RXRG: variants seen among roughly 807,000 people sequenced by gnomAD.
RXRG encodes the protein retinoid X receptor gamma.
Under a neutral mutation model 49.2 loss-of-function variants are expected in RXRG, and 19 were observed. The ratio of observed to expected loss-of-function variants is 0.39; its 90% CI spans 0.27 to 0.57. The LOEUF (loss-of-function observed/expected upper bound fraction) is 0.57, where lower values mean the gene tolerates loss of function less well. Ranked by LOEUF, RXRG falls within the 20% of genes least tolerant of loss-of-function variation. The probability of loss-of-function intolerance (pLI) is 0.64; values close to 1 mark genes in which losing one functional copy is unlikely to be tolerated. For synonymous variants in RXRG, 224 were observed against 216.6 expected (o/e 1.03, Z -0.30); for missense variants, 452 against 592.5 (o/e 0.76, Z 2.46).
chr1:165,439,639 A>AT (rs1031669333), intron 1 of RXRG, among the ~76,000 whole-genome samples: 2 of 152,162 alleles, frequency 1.3e-5, no homozygotes, highest in Admixed American at 6.5e-5. Flanking sequence ...ACATTCCTTG[A>AT]TTTTTCCCCA....
chr1:165,408,221 G>T lies in RXRG; in HGVS notation c.1138+6C>A. ...CACACATCCCCTGGGGTTGAAGGGC[G>T]GTTACCTGGGTTAAAGAGTACAATG... On this transcript the variant is annotated splice_donor_region_variant and intron_variant, in intron 8 of 9. Transcript: ENST00000359842. The T allele has an allele frequency of 6.2e-7, 1 of 1,609,944 alleles. No homozygotes were observed. Among genetic ancestry groups the T allele is most frequent in the Non-Finnish European group, 8.5e-7 (1 of 1,176,228 alleles).
intron 1 of RXRG, among the ~76,000 whole-genome samples, chr1:165,433,596 A>G (rs777115447): frequency 6.6e-6 from 1 of 152,266 alleles, no homozygotes; most frequent in Non-Finnish European, 1.5e-5. Flanking sequence ...TCCTGGTAAC[A>G]TACCCAAGAA....
chr1:165,418,063 A>T (rs1658184267), intron 3 of RXRG, among the ~76,000 whole-genome samples: 1 of 144,640 alleles, frequency 6.9e-6, no homozygotes, highest in South Asian at 2.2e-4. Context: ...GTGAGCCAAG[A>T]TCATGCCCCT....
intron 1 of RXRG, among the ~76,000 whole-genome samples, chr1:165,432,018 A>C (rs1658687814): frequency 6.6e-6 from 1 of 152,244 alleles, no homozygotes; most frequent in African/African-American, 2.4e-5. Context: ...TCATGAAAAT[A>C]GTATGCAAAG....
chr1:165,423,287 T>C (rs1207076630), intron 2 of RXRG, among the ~76,000 whole-genome samples: 5 of 152,186 alleles, frequency 3.3e-5, no homozygotes, highest in African/African-American at 9.7e-5. Flanking sequence ...ATAAGCACTT[T>C]AGAGCCGGGA....
chr1:165,408,786 A>G (rs1477260096), intron 7 of RXRG, among the ~76,000 whole-genome samples: 1 of 152,210 alleles, frequency 6.6e-6, no homozygotes, highest in Non-Finnish European at 1.5e-5. Flanking sequence ...TACATGGAAC[A>G]TGTGGGAAAG....
At chr1:165,438,701 T>A (rs1342238664) in intron 1 of RXRG, among the ~76,000 whole-genome samples, 8 of 152,210 alleles carry the variant, frequency 5.3e-5, no homozygotes, top group Non-Finnish European at 8.8e-5. Flanking sequence ...CAACCTCTCT[T>A]CTATAAAATG....
intron 9 of RXRG, among the ~76,000 whole-genome samples, chr1:165,406,536 C>T (rs1381482649): frequency 6.6e-6 from 1 of 152,198 alleles, no homozygotes; most frequent in Non-Finnish European, 1.5e-5. Flanking sequence ...ATAATTCCCA[C>T]ATTTATTCAT....
Position 165,408,177 on chromosome 1 carries a change from C to T in RXRG, c.1138+50G>A, listed in dbSNP as rs773276076. ...TAACATGGGAGCACTGGAGGTTGAC[C>T]GTGGAAGAGGGCTGAACACACACAT... On this transcript the variant is annotated intron_variant, in intron 8 of 9. Transcript: ENST00000359842. The T allele has an allele frequency of 1.3e-5, 18 of 1,381,430 alleles. 1 individual carries two copies. Among genetic ancestry groups the T allele is most frequent in the Middle Eastern group, 1.8e-4 (1 of 5,604 alleles). 85.6% of individuals were successfully genotyped at this position (1,381,430 alleles called of 1,614,324 possible).
At chr1:165,417,954 T>C (rs565683950) in intron 3 of RXRG, among the ~76,000 whole-genome samples, 1 of 151,710 alleles carries the variant, frequency 6.6e-6, no homozygotes, top group Non-Finnish European at 1.5e-5. Flanking sequence ...AATATATATA[T>C]ACAAAAATTA....
At chr1:165,439,986 G>A (rs1483708323) in intron 1 of RXRG, among the ~76,000 whole-genome samples, 4 of 152,214 alleles carry the variant, frequency 2.6e-5, no homozygotes, top group Non-Finnish European at 5.9e-5. Flanking sequence ...TGGGAGCCCT[G>A]AGGAAGGGAA....
At chr1:165,430,399 T>C (rs1372400046) in intron 1 of RXRG, among the ~76,000 whole-genome samples, 1 of 152,254 alleles carries the variant, frequency 6.6e-6, no homozygotes. Flanking sequence ...TTTCAAGTTC[T>C]GGTAGAGAGC....
chr1:165,401,385 G>C lies in RXRG; in HGVS notation c.1270C>G (p.Pro424Ala). The change falls in exon 10 of 10, where the codon CCA (proline) becomes GCA (alanine). Residue 424 changes from proline (P) to alanine (A), a missense_variant. Pro to Ala is a conservative substitution (Grantham distance 27). Transcript: ENST00000359842. ...GRFAKLLLRL[P>A]ALRSIGLKCL... ...TTCAAGCCAATGGAACGCAGAGCTG[G>C]GAGGCGCAGCAGCAGCTTGGCAAAC... is the stretch of plus-strand genomic sequence containing the variant. 4 of 1,614,162 alleles carry C rather than the reference G, an allele frequency of 2.5e-6. No homozygotes were observed. Among genetic ancestry groups the C allele is most frequent in the Non-Finnish European group, 3.4e-6 (4 of 1,180,038 alleles).
At chr1:165,417,569 A>G (rs1177609530) in intron 3 of RXRG, among the ~76,000 whole-genome samples, 1 of 152,218 alleles carries the variant, frequency 6.6e-6, no homozygotes, top group Non-Finnish European at 1.5e-5. Context: ...TAAATAATAA[A>G]TAAAAATATA....
At chr1:165,441,392 C>T (rs1269112602) in intron 1 of RXRG, among the ~76,000 whole-genome samples, 1 of 152,210 alleles carries the variant, frequency 6.6e-6, no homozygotes, top group African/African-American at 2.4e-5. Flanking sequence ...AACTGTGTCA[C>T]TCACAGAAGC....
intron 1 of RXRG, 27 bp downstream of exon 1, chr1:165,444,818 G>A (rs774713395): frequency 1.2e-6 from 2 of 1,605,592 alleles, no homozygotes; most frequent in Admixed American, 3.3e-5. Context: ...ACAGGTCCAC[G>A]CAGTGAAGCC....
intron 4 of RXRG, among the ~76,000 whole-genome samples, chr1:165,414,618 T>A (rs984056852): frequency 6.6e-6 from 1 of 152,186 alleles, no homozygotes; most frequent in Non-Finnish European, 1.5e-5. Context: ...GGGAAAAAAA[T>A]GACCCTGCAG....
intron 9 of RXRG, 83 bp from the exon 10 acceptor site, chr1:165,401,493 G>A: frequency 6.6e-7 from 1 of 1,512,712 alleles, no homozygotes; most frequent in South Asian, 1.1e-5. Flanking sequence ...CCGTCCAATT[G>A]GCCTTCTCGA....
chr1:165,438,502 G>A (rs544536204), intron 1 of RXRG, among the ~76,000 whole-genome samples: 8 of 152,238 alleles, frequency 5.3e-5, no homozygotes, highest in East Asian at 3.9e-4. Context: ...TTAAGCACAC[G>A]GCTTGGCACA....
Sources: allele counts gnomAD v4.1 joint callset (sites outside exome capture counted in the v4.1 genomes callset), GRCh38; gene constraint gnomAD v4.1.1; transcripts MANE v1.5; gene names NCBI Gene and HGNC (gene_info 2026-07-23, HGNC 2026-07-21).